The following HPN variants were observed in gnomAD, a reference collection of about 807,000 sequenced individuals.
HPN encodes the protein hepsin.
A neutral mutation model predicts 55.9 loss-of-function variants in HPN; 13 were observed. The observed-to-expected ratio is 0.23, with a 90% CI of 0.15 to 0.37. The LOEUF (loss-of-function observed/expected upper bound fraction) is 0.37. Among genes scored for constraint, HPN ranks in the 10% least tolerant of loss-of-function variants. The probability of loss-of-function intolerance (pLI) is 1.00; values close to 1 mark genes in which losing one functional copy is unlikely to be tolerated. For synonymous variants in HPN, 225 were observed against 240.3 expected (o/e 0.94, Z 0.59); for missense variants, 451 against 575.8 (o/e 0.78, Z 2.22).
intron 4 of HPN, among the ~76,000 whole-genome samples, chr19:35,049,759 T>C (rs1252722116): frequency 6.6e-6 from 1 of 151,986 alleles, no homozygotes; most frequent in African/African-American, 2.4e-5. Flanking sequence ...ATTAAATTAG[T>C]GAGTTGGAAA....
In HPN at chr19:35,049,277, G is replaced by T; in HGVS notation, c.17-13G>T. The T allele has an allele frequency of 1.3e-6, 2 of 1,517,866 alleles. No individual in the cohort carries two copies. The highest frequency in any genetic ancestry group is 1.8e-6 in the Non-Finnish European group (2 of 1,130,040). 94.0% of individuals were successfully genotyped at this position (1,517,866 alleles called of 1,614,324 possible). A position where few individuals can be genotyped will look rare whatever the true frequency, so the allele number is the denominator to read the frequency against. ...CAGGCCTGGCTGTGGCCCCAGCATG[G>T]TGTCTGTTGCAGGTGGCCGGACTGT... On this transcript the variant is annotated splice_polypyrimidine_tract_variant and intron_variant, in intron 2 of 12. Transcript: ENST00000672452.
chr19:35,050,413 C>T (rs892371452), intron 4 of HPN: 10 of 868,364 alleles, frequency 1.2e-5, no homozygotes, highest in East Asian at 7.2e-5. Context: ...TGAGCCACTG[C>T]GCCTGTCCCT....
chr19:35,064,482 G>A (rs1364360253), intron 9 of HPN, among the ~76,000 whole-genome samples: 1 of 151,752 alleles, frequency 6.6e-6, no homozygotes, highest in Non-Finnish European at 1.5e-5. Flanking sequence ...CTGAGTAGCT[G>A]GGATTACAGG....
At chr19:35,053,435 A>G (rs2064424199) in intron 4 of HPN, among the ~76,000 whole-genome samples, 1 of 151,960 alleles carries the variant, frequency 6.6e-6, no homozygotes, top group Non-Finnish European at 1.5e-5. Flanking sequence ...CCCTGCCCCA[A>G]CCCCAGAGCA....
At chr19:35,041,167 T>C (rs72550258), upstream of HPN, among the ~76,000 whole-genome samples, 8 of 152,188 alleles carry the variant, frequency 5.3e-5, no homozygotes, top group Non-Finnish European at 1.0e-4. Flanking sequence ...GTGCTAGGAC[T>C]TTCTGGCTCC....
In HPN at chr19:35,056,321, A is replaced by G. The variant is rs371687684; in HGVS notation, c.161-3352A>G. On this transcript the variant is annotated intron_variant, in intron 4 of 12. Coordinates refer to ENST00000672452, the MANE Select transcript of HPN (RefSeq NM_001384133.1). Reference sequence around the variant, plus strand: ...ATTTGTCCCTTTCTTGATTTGTCTCACCTACTGAGCTTTGAGTTCCACAGG... The same window carrying G: ...ATTTGTCCCTTTCTTGATTTGTCTCGCCTACTGAGCTTTGAGTTCCACAGG... Among the ~76,000 whole-genome samples the G allele has an allele frequency of 3.3e-5, 5 of 151,498 alleles. No homozygotes were observed. In the South Asian group the frequency reaches 1.1e-3, roughly 32 times the overall value.
At chr19:35,048,550 T>A (rs1049405005) in intron 2 of HPN, among the ~76,000 whole-genome samples, 2 of 152,128 alleles carry the variant, frequency 1.3e-5, no homozygotes, top group African/African-American at 4.8e-5. Flanking sequence ...CTCAAAGATA[T>A]GATGGCACCT....
intron 8 of HPN, 45 bp downstream of exon 8, chr19:35,060,557 G>A (rs772865367): frequency 3.4e-5 from 55 of 1,611,736 alleles, no homozygotes; most frequent in Admixed American, 5.0e-5. Flanking sequence ...GCAGAGGAGC[G>A]GAGAGACAGT....
upstream of HPN, chr19:35,041,676 C>CGA: frequency 6.3e-6 from 7 of 1,103,950 alleles, no homozygotes; most frequent in Non-Finnish European, 8.0e-6. Context: ...GGTCCGGCCC[C>CGA]TCCCCGCCCC....
rs1400669630 is a variant in HPN, at chr19:35,060,157, G to T, written c.442G>T (p.Ala148Ser). ...TTGCCCCAGAGGCCGTTTCTTGGCC[G>T]CCATCTGCCAAGGTGAGATCCTAAA... Reference protein sequence around the residue: ...CDCPRGRFLAAICQDCGRRKL... With the variant: ...CDCPRGRFLASICQDCGRRKL... The change falls in exon 7 of 13, where the codon GCC (alanine) becomes TCC (serine). Residue 148 changes from alanine to serine, a missense_variant. Ala to Ser is a moderately conservative substitution (Grantham distance 99). Around this residue, in one of 2 missense-constraint regions of HPN, gnomAD observed 378 missense variants for 445.5 expected, o/e 0.85. Transcript: ENST00000672452. The T allele has an allele frequency of 1.2e-6, 2 of 1,613,940 alleles. No individual in the cohort carries two copies. The highest frequency in any genetic ancestry group is 1.3e-5 in the African/African-American group (1 of 74,904).
chr19:35,065,361 T>C lies in HPN; in HGVS notation c.907+16T>C. On this transcript the variant is annotated intron_variant, in intron 10 of 12. Coordinates refer to ENST00000672452, the MANE Select transcript of HPN (RefSeq NM_001384133.1). ...CAGTACTATGGTGAGTCCTGTCCTC[T>C]GCCTCTGATGCCACCGTTTGGGAGA... 1 of 1,600,786 alleles carries C rather than the reference T, an allele frequency of 6.2e-7. No homozygotes were observed. Among genetic ancestry groups the C allele is most frequent in the Non-Finnish European group, 8.5e-7 (1 of 1,169,810 alleles).
At position 35,059,941 on chromosome 19, in the gene HPN, G is replaced by T; in HGVS notation, c.358G>T (p.Val120Leu). ...GANGTSGFFC[V>L]DEGRLPHTQR... ...CAATGGCACGTCGGGCTTCTTCTGT[G>T]TGGACGAGGGGAGGCTGCCCCACAC... Residue 120 changes from valine to leucine, a missense_variant, in exon 6 of 13, where the codon GTG (valine) becomes TTG (leucine). By Grantham distance (32) the Val-to-Leu change is conservative. Coordinates refer to ENST00000672452, the MANE Select transcript of HPN (RefSeq NM_001384133.1). 6.5e-7 allele frequency: 1 copy of T among 1,537,924 alleles called. No homozygotes were observed. Among genetic ancestry groups the T allele is most frequent in the Non-Finnish European group, 8.7e-7 (1 of 1,143,380 alleles).
At chr19:35,050,914 C>CTTTTTTTTTTTTTTTTTTTTTT (rs5827917) in intron 4 of HPN, among the ~76,000 whole-genome samples, 1 of 90,442 alleles carries the variant, frequency 1.1e-5, no homozygotes. Flanking sequence ...TTCTTTCTTT[C>CTTTTTTTTTTTTTTTTTTTTTT]TTTTTTTTTT....
At chr19:35,041,502 C>T (rs2064292932), upstream of HPN, among the ~76,000 whole-genome samples, 1 of 152,086 alleles carries the variant, frequency 6.6e-6, no homozygotes, top group Non-Finnish European at 1.5e-5. Context: ...CTCCCTAAAC[C>T]CCCAGCCTCC....
chr19:35,042,628 C>A (rs1246443040), intron 2 of HPN, 106 bp downstream of exon 2: 37 of 840,962 alleles, frequency 4.4e-5, no homozygotes, highest in Non-Finnish European at 6.5e-5. Flanking sequence ...TCTGGGCACC[C>A]CTCCCAGATG....
At chr19:35,052,806 C>A (rs1035445215) in intron 4 of HPN, among the ~76,000 whole-genome samples, 14 of 152,136 alleles carry the variant, frequency 9.2e-5, no homozygotes, top group Non-Finnish European at 1.8e-4. Context: ...ATAGTAGGTT[C>A]TCAGGAAATC....
chr19:35,059,907 G>T lies in HPN; in HGVS notation c.324G>T (p.Thr108=), dbSNP rs368366820. ...CCCACTCCGAGCTGGACGTGCGAAC[G>T]GCGGGCGCCAATGGCACGTCGGGCT... ...ALTHSELDVR[T]AGANGTSGFF... Residue 108 remains threonine, a synonymous_variant, in exon 6 of 13, where the codon ACG becomes ACT. Transcript: ENST00000672452. 2.6e-5 allele frequency: 39 copies of T among 1,499,250 alleles called. No homozygotes were observed. The highest frequency in any genetic ancestry group is 3.3e-5 in the Non-Finnish European group (37 of 1,124,242). The allele number at this position is 1,499,250 out of a possible 1,614,324, so 92.9% of individuals were successfully genotyped here. A position where few individuals can be genotyped will look rare whatever the true frequency, so the allele number is the denominator to read the frequency against.
At chr19:35,056,389 G>A (rs1242866710) in intron 4 of HPN, among the ~76,000 whole-genome samples, 1 of 152,148 alleles carries the variant, frequency 6.6e-6, no homozygotes, top group Non-Finnish European at 1.5e-5. Context: ...GTGGTGATTT[G>A]TTCACTGCCT....
At chr19:35,056,037 C>G (rs946076366) in intron 4 of HPN, among the ~76,000 whole-genome samples, 2 of 152,174 alleles carry the variant, frequency 1.3e-5, no homozygotes, top group African/African-American at 4.8e-5. Flanking sequence ...GGAGCACTCC[C>G]CCCAGTCCCC....
Sources: allele counts gnomAD v4.1 joint callset (sites outside exome capture counted in the v4.1 genomes callset), GRCh38; gene constraint gnomAD v4.1.1; regional missense constraint gnomAD v4.1.1; transcripts MANE v1.5; gene names NCBI Gene and HGNC (gene_info 2026-07-23, HGNC 2026-07-21).